Variants in MIPOL1 observed in about 807,000 individuals in gnomAD.
MIPOL1 encodes mirror-image polydactyly 1.
In MIPOL1, 57 loss-of-function variants were observed where a neutral mutation model predicts 60.9. The ratio of observed to expected loss-of-function variants is 0.94; its 90% CI spans 0.76 to 1.17. MIPOL1 has a LOEUF of 1.17. Among genes scored for constraint, MIPOL1 ranks in the 50% most tolerant of loss-of-function variants. MIPOL1 has a pLI of 0.00. For synonymous variants in MIPOL1, 179 were observed against 168.8 expected (o/e 1.06, Z -0.47); for missense variants, 551 against 511.6 (o/e 1.08, Z -0.74).
chr14:37,286,408 A>G (rs529369997), intron 7 of MIPOL1, among the ~76,000 whole-genome samples: 3 of 152,332 alleles, frequency 2.0e-5, no homozygotes, highest in African/African-American at 7.2e-5. Context: ...TTCTGTCCTT[A>G]TAACAAGCTC....
chr14:37,259,476 A>C (rs773044235), intron 3 of MIPOL1, among the ~76,000 whole-genome samples: 23 of 152,128 alleles, frequency 1.5e-4, no homozygotes, highest in East Asian at 7.8e-4. Context: ...CTGAAGCTAG[A>C]GGATCGCCAG....
At chr14:37,354,237 T>G (rs1477242752) in intron 9 of MIPOL1, among the ~76,000 whole-genome samples, 4 of 151,842 alleles carry the variant, frequency 2.6e-5, no homozygotes, top group Admixed American at 2.6e-4. Flanking sequence ...TTCTTAATCC[T>G]GAGTTCTAGT....
intron 10 of MIPOL1, among the ~76,000 whole-genome samples, chr14:37,387,827 G>A (rs182614360): frequency 6.6e-6 from 1 of 151,836 alleles, no homozygotes; most frequent in South Asian, 2.1e-4. Context: ...TTACAATCAT[G>A]CTTCTCTAAA....
intron 1 of MIPOL1, among the ~76,000 whole-genome samples, chr14:37,209,899 T>C (rs1343491498): frequency 2.0e-5 from 3 of 150,944 alleles, no homozygotes; most frequent in Non-Finnish European, 4.4e-5. Flanking sequence ...TTGGTAGACA[T>C]GAGGTCCCCC....
At chr14:37,481,101 A>G (rs2094856346) in intron 11 of MIPOL1, among the ~76,000 whole-genome samples, 1 of 152,184 alleles carries the variant, frequency 6.6e-6, no homozygotes, top group Admixed American at 6.5e-5. Context: ...TGATTGCACC[A>G]CTGGACTCCA....
At chr14:37,208,417 T>C (rs1479715884) in intron 1 of MIPOL1, among the ~76,000 whole-genome samples, 2 of 152,114 alleles carry the variant, frequency 1.3e-5, no homozygotes, top group African/African-American at 4.8e-5. Flanking sequence ...AAAATATAAA[T>C]AAATAATATA....
chr14:37,248,301 G>GA (rs1313737984), intron 3 of MIPOL1, among the ~76,000 whole-genome samples: 1 of 152,012 alleles, frequency 6.6e-6, no homozygotes, highest in Non-Finnish European at 1.5e-5. Flanking sequence ...GATCCTCAGA[G>GA]AAAGAGACAC....
At chr14:37,524,375 G>A (rs2095432811) in intron 12 of MIPOL1, among the ~76,000 whole-genome samples, 2 of 151,986 alleles carry the variant, frequency 1.3e-5, no homozygotes, top group African/African-American at 4.8e-5. Context: ...GTTGAGGAGA[G>A]TTCCCAGATA....
intron 11 of MIPOL1, among the ~76,000 whole-genome samples, chr14:37,483,785 C>A (rs914865744): frequency 6.6e-6 from 1 of 152,006 alleles, no homozygotes; most frequent in Non-Finnish European, 1.5e-5. Flanking sequence ...CGAGTGTATG[C>A]CTCCACACCT....
chr14:37,322,045 G>T (rs1227054757), intron 9 of MIPOL1, among the ~76,000 whole-genome samples: 1 of 151,778 alleles, frequency 6.6e-6, no homozygotes, highest in African/African-American at 2.4e-5. Context: ...ACATTATCTA[G>T]GTATTTATTA....
At chr14:37,198,756 G>T (rs1244329560) in intron 1 of MIPOL1, among the ~76,000 whole-genome samples, 1 of 152,148 alleles carries the variant, frequency 6.6e-6, no homozygotes. Context: ...AGCATTTTAT[G>T]CAGGTTAAAT....
At position 37,548,033 on chromosome 14, in the gene MIPOL1, G is replaced by T. The variant is rs2095552580; in HGVS notation, c.*1062G>T. The T allele has an allele frequency of 6.6e-6, 1 of 151,976 alleles. No individual in the cohort carries two copies. Among genetic ancestry groups the T allele is most frequent in the African/African-American group, 2.4e-5 (1 of 41,414 alleles). The allele number at this position is 151,976 out of a possible 1,614,324, so 9.4% of individuals were successfully genotyped here. ...TGAGATTTTTATGTAATTAGTTATAGGCAAAATACTTTCATATTTTTAGAT... is the reference window on the plus strand; with the variant it reads ...TGAGATTTTTATGTAATTAGTTATATGCAAAATACTTTCATATTTTTAGAT... On this transcript the variant is annotated 3_prime_UTR_variant, in exon 13 of 13. Coordinates refer to ENST00000684589, the MANE Select transcript of MIPOL1 (RefSeq NM_001388067.1).
At chr14:37,426,590 T>TATATATATATATATATAC (rs1220983589) in intron 11 of MIPOL1, among the ~76,000 whole-genome samples, 1 of 138,550 alleles carries the variant, frequency 7.2e-6, no homozygotes, top group Non-Finnish European at 1.5e-5. Flanking sequence ...TATATATATA[T>TATATATATATATATATAC]ATATACACAC....
chr14:37,551,526 T>C (rs1251076034), downstream of MIPOL1: 1 of 152,020 alleles, frequency 6.6e-6, no homozygotes, highest in Non-Finnish European at 1.5e-5. Context: ...AGAAATATCA[T>C]TTTTAGTGAA....
At chr14:37,384,912 G>GT (rs1471032334) in intron 10 of MIPOL1, among the ~76,000 whole-genome samples, 3 of 151,978 alleles carry the variant, frequency 2.0e-5, no homozygotes, top group African/African-American at 7.2e-5. Flanking sequence ...TTTTGTAGCA[G>GT]TTTGGGAATT....
At chr14:37,206,424 A>T (rs1376864393) in intron 1 of MIPOL1, among the ~76,000 whole-genome samples, 1 of 152,198 alleles carries the variant, frequency 6.6e-6, no homozygotes, top group Non-Finnish European at 1.5e-5. Flanking sequence ...AAATGCCTGG[A>T]TATCCAGGCA....
intron 11 of MIPOL1, among the ~76,000 whole-genome samples, chr14:37,497,451 G>T (rs763066220): frequency 6.6e-6 from 1 of 152,188 alleles, no homozygotes; most frequent in Non-Finnish European, 1.5e-5. Context: ...AATGGAGTAG[G>T]CTAAGATTTT....
intron 7 of MIPOL1, among the ~76,000 whole-genome samples, chr14:37,295,565 C>T (rs1245522820): frequency 6.6e-6 from 1 of 152,080 alleles, no homozygotes; most frequent in Non-Finnish European, 1.5e-5. Flanking sequence ...ACCCATCTCA[C>T]ATGCAGAGAC....
At position 37,429,701 on chromosome 14, in the gene MIPOL1, A is replaced by G. The variant is rs532695895; in HGVS notation, c.1031+6752A>G. The stretch of plus-strand genomic sequence containing the variant: ...ACACAAAAAGAAAGTAAAATTCTTT[A>G]TTTTTTTCTATATTACTTTAGTAAA... On this transcript the variant is annotated intron_variant, in intron 11 of 12. Coordinates refer to ENST00000684589, the MANE Select transcript of MIPOL1 (RefSeq NM_001388067.1). Among the ~76,000 whole-genome samples the G allele has an allele frequency of 3.0e-3, 452 of 151,988 alleles. 3 individuals carry two copies. Among genetic ancestry groups the G allele is most frequent in the African/African-American group, 9.3e-3 (386 of 41,488 alleles).
Sources: gnomAD v4.1 joint callset for allele counts (sites outside exome capture counted in the v4.1 genomes callset) on GRCh38, gnomAD v4.1.1 for gene constraint, MANE v1.5 for transcripts, NCBI Gene and HGNC (gene_info 2026-07-23, HGNC 2026-07-21) for gene names.